Variants in SGCZ observed in about 807,000 individuals in gnomAD.
SGCZ encodes the protein sarcoglycan zeta.
A neutral mutation model predicts 41.3 loss-of-function variants in SGCZ; 40 were observed. The ratio of observed to expected loss-of-function variants is 0.97; its 90% confidence interval spans 0.75 to 1.26. The LOEUF (loss-of-function observed/expected upper bound fraction) is 1.26. Among genes scored for constraint, SGCZ ranks in the 50% most tolerant of loss-of-function variants. SGCZ has a pLI of 0.00. For synonymous variants in SGCZ, 206 were observed against 137.5 expected, an observed-to-expected ratio of 1.50 and a Z score of -3.49; for missense variants, 552 against 369.8, an observed-to-expected ratio of 1.49 and a Z score of -4.04.
chr8:14,899,097 G>C (rs1805309162), intron 1 of SGCZ, among the ~76,000 whole-genome samples: 2 of 151,516 alleles, frequency 1.3e-5, no homozygotes, highest in African/African-American at 4.9e-5. Flanking sequence ...TTTTTTCCTG[G>C]AATTGAGGAC....
chr8:14,702,234 G>A (rs1449428312), intron 1 of SGCZ, among the ~76,000 whole-genome samples: 1 of 151,804 alleles, frequency 6.6e-6, no homozygotes, highest in Non-Finnish European at 1.5e-5. Context: ...TTTCCACTTG[G>A]AAATCTCTTT....
chr8:15,133,081 T>G (rs1313135257), intron 1 of SGCZ, among the ~76,000 whole-genome samples: 1 of 152,086 alleles, frequency 6.6e-6, no homozygotes, highest in Admixed American at 6.5e-5. Context: ...AGGTGGAGGT[T>G]GCAGTGAGTC....
At chr8:15,156,667 G>C (rs931408407) in intron 1 of SGCZ, among the ~76,000 whole-genome samples, 2 of 152,264 alleles carry the variant, frequency 1.3e-5, no homozygotes, top group African/African-American at 4.8e-5. Context: ...TTCTCGGCCA[G>C]GCGCGGTGGC....
chr8:14,675,483 C>A (rs1808245500), intron 1 of SGCZ, among the ~76,000 whole-genome samples: 1 of 151,928 alleles, frequency 6.6e-6, no homozygotes, highest in African/African-American at 2.4e-5. Flanking sequence ...TTTTAAATGG[C>A]TTATTTATTG....
At chr8:14,420,472 T>C (rs778412658) in intron 2 of SGCZ, among the ~76,000 whole-genome samples, 19 of 152,116 alleles carry the variant, frequency 1.2e-4, no homozygotes, top group Non-Finnish European at 1.9e-4. Context: ...TGTTGTTCGG[T>C]ATTGCATTCT....
intron 1 of SGCZ, among the ~76,000 whole-genome samples, chr8:15,057,812 C>T (rs1585519548): frequency 6.6e-6 from 1 of 152,126 alleles, no homozygotes; most frequent in Admixed American, 6.6e-5. Context: ...TCCTTTCCAG[C>T]CCTAAAACGT....
chr8:14,867,917 T>TAAA (rs199588948), intron 1 of SGCZ, among the ~76,000 whole-genome samples: 2,080 of 132,876 alleles, frequency 0.016, 12 homozygotes, highest in African/African-American at 0.032. Context: ...ACTTAAAAGT[T>TAAA]AAAAAAAAAA....
chr8:14,498,347 G>C (rs1048514188), intron 2 of SGCZ, among the ~76,000 whole-genome samples: 1 of 152,012 alleles, frequency 6.6e-6, no homozygotes, highest in Non-Finnish European at 1.5e-5. Flanking sequence ...TTTGTATTTT[G>C]TTGGGTTCCT....
At chr8:14,509,920 G>T (rs1802420259) in intron 2 of SGCZ, among the ~76,000 whole-genome samples, 1 of 151,964 alleles carries the variant, frequency 6.6e-6, no homozygotes, top group African/African-American at 2.4e-5. Context: ...ACAGCATGGG[G>T]GGACACGTCC....
intron 1 of SGCZ, among the ~76,000 whole-genome samples, chr8:14,929,159 T>A (rs894264164): frequency 6.6e-6 from 1 of 151,944 alleles, no homozygotes; most frequent in African/African-American, 2.4e-5. Flanking sequence ...GCCCAGCTAA[T>A]TTTTGTAGTT....
At chr8:15,170,604 T>A (rs953042286) in intron 1 of SGCZ, among the ~76,000 whole-genome samples, 1 of 152,246 alleles carries the variant, frequency 6.6e-6, no homozygotes, top group Non-Finnish European at 1.5e-5. Flanking sequence ...AGATCATGTG[T>A]CCCTGGAATC....
At chr8:14,128,618 A>G (rs533670520) in intron 5 of SGCZ, among the ~76,000 whole-genome samples, 36 of 152,328 alleles carry the variant, frequency 2.4e-4, no homozygotes, top group African/African-American at 8.7e-4. Context: ...CTGCAGCACT[A>G]TTCACAATAT....
chr8:14,219,803 T>C (rs1398569444), intron 4 of SGCZ, among the ~76,000 whole-genome samples: 1 of 151,730 alleles, frequency 6.6e-6, no homozygotes, highest in Non-Finnish European at 1.5e-5. Flanking sequence ...TTCACCATAT[T>C]CACCTGACCT....
At chr8:14,744,828 G>T (rs769358831) in intron 1 of SGCZ, among the ~76,000 whole-genome samples, 1 of 152,010 alleles carries the variant, frequency 6.6e-6, no homozygotes, top group Non-Finnish European at 1.5e-5. Context: ...GTGAAAAGAG[G>T]CAATACAAAG....
At chr8:14,847,383 A>C (rs948460649) in intron 1 of SGCZ, among the ~76,000 whole-genome samples, 3 of 152,088 alleles carry the variant, frequency 2.0e-5, no homozygotes, top group Non-Finnish European at 2.9e-5. Flanking sequence ...TCATTTTAGT[A>C]AATTCAGTCC....
At chr8:15,114,130 C>T (rs991877498) in intron 1 of SGCZ, among the ~76,000 whole-genome samples, 2 of 152,212 alleles carry the variant, frequency 1.3e-5, no homozygotes, top group African/African-American at 4.8e-5. Flanking sequence ...CTCATCTAAT[C>T]TGTCATTCTA....
At chr8:14,808,357 T>A (rs1293578467) in intron 1 of SGCZ, among the ~76,000 whole-genome samples, 1 of 151,990 alleles carries the variant, frequency 6.6e-6, no homozygotes, top group Non-Finnish European at 1.5e-5. Flanking sequence ...ATATCCAGAA[T>A]CTACGATGAA....
At chr8:14,321,793 G>A in intron 3 of SGCZ, among the ~76,000 whole-genome samples, 1 of 151,996 alleles carries the variant, frequency 6.6e-6, no homozygotes, top group Non-Finnish European at 1.5e-5. Flanking sequence ...TTGACTATAT[G>A]AAAATCCGTG....
intron 1 of SGCZ, among the ~76,000 whole-genome samples, chr8:15,064,127 T>C (rs988493329): frequency 6.6e-6 from 1 of 152,196 alleles, no homozygotes; most frequent in African/African-American, 2.4e-5. Flanking sequence ...TTCTTCATTT[T>C]ATTCCTGGGT....
Sources: allele counts gnomAD v4.1 joint callset (sites outside exome capture counted in the v4.1 genomes callset), GRCh38; gene constraint gnomAD v4.1.1; transcripts MANE v1.5; gene names NCBI Gene and HGNC (gene_info 2026-07-23, HGNC 2026-07-21).